SEC14L1: variants seen among roughly 807,000 people sequenced by gnomAD.
The protein encoded by SEC14L1 is SEC14-like protein 1.
SEC14L1 carries 48 observed loss-of-function variants against 85.3 expected under a neutral mutation model. The ratio of observed to expected loss-of-function variants is 0.56; its 90% confidence interval spans 0.45 to 0.72. SEC14L1 has a LOEUF of 0.72. Ranked by LOEUF, SEC14L1 falls within the 30% of genes least tolerant of loss-of-function variation. The pLI is 0.00. For missense variants in SEC14L1, 682 were observed against 921.4 expected (o/e 0.74, Z 3.36); for synonymous variants, 391 against 355.5 (o/e 1.10, Z -1.12).
At chr17:77,120,741 T>G (rs1216982962) in intron 3 of SEC14L1, among the ~76,000 whole-genome samples, 2 of 152,138 alleles carry the variant, frequency 1.3e-5, no homozygotes, top group African/African-American at 4.8e-5. Context: ...CCTCCCAAAG[T>G]GTTAGGATTA....
chr17:77,152,144 C>CT (rs1204606840), intron 3 of SEC14L1, among the ~76,000 whole-genome samples: 5 of 152,024 alleles, frequency 3.3e-5, no homozygotes, highest in Non-Finnish European at 7.4e-5. Flanking sequence ...GCTAATTTTT[C>CT]TTTTTTTAAA....
intron 3 of SEC14L1, among the ~76,000 whole-genome samples, chr17:77,170,633 C>A (rs1184091921): frequency 6.6e-6 from 1 of 152,176 alleles, no homozygotes; most frequent in African/African-American, 2.4e-5. Context: ...AGGAGAGAGG[C>A]CAGTGTCCTT....
chr17:77,131,343 C>T (rs1208206204), intron 3 of SEC14L1, among the ~76,000 whole-genome samples: 1 of 152,170 alleles, frequency 6.6e-6, no homozygotes. Flanking sequence ...GGTCTTGGCT[C>T]ACTGCAACCT....
At position 77,107,982 on chromosome 17, in the gene SEC14L1, G is replaced by C. The variant is rs372641854; in HGVS notation, c.-136+14635G>C. ...TGGTCTCAAACTCCTGGGCTCCAGC[G>C]ATCCTCTCACCTCCGCCTCCCAAAG... On this transcript the variant is annotated intron_variant, in intron 3 of 19. Transcript: ENST00000392476. Among the ~76,000 whole-genome samples the C allele has an allele frequency of 2.7e-3, 404 of 152,146 alleles. 5 individuals carry two copies. The South Asian group carries it at 0.055, about 21-fold the overall frequency.
intron 14 of SEC14L1, chr17:77,210,627 C>G (rs1490302380): frequency 6.6e-6 from 1 of 152,178 alleles, no homozygotes; most frequent in African/African-American, 2.4e-5. Context: ...TTTGAACAAG[C>G]AGAGACAGAT....
intron 3 of SEC14L1, among the ~76,000 whole-genome samples, chr17:77,158,003 T>C (rs1055099188): frequency 1.3e-5 from 2 of 152,206 alleles, no homozygotes; most frequent in African/African-American, 4.8e-5. Context: ...GTCCACGTTA[T>C]ATTAACAAGC....
intron 3 of SEC14L1, among the ~76,000 whole-genome samples, chr17:77,188,891 C>CA (rs1975393067): frequency 6.6e-6 from 1 of 152,108 alleles, no homozygotes; most frequent in Non-Finnish European, 1.5e-5. Flanking sequence ...CTCTAATGAA[C>CA]ATCTCTCGTG....
chr17:77,106,793 C>T (rs893914663), intron 3 of SEC14L1, among the ~76,000 whole-genome samples: 9 of 150,628 alleles, frequency 6.0e-5, no homozygotes, highest in African/African-American at 2.2e-4. Context: ...GCCCTGGTGG[C>T]GCCACTGCAC....
At position 77,206,463 on chromosome 17, in the gene SEC14L1, T is replaced by C. The variant is rs1341453577; in HGVS notation, c.1341+63T>C. ...TTGGAAAGCAGATAACATGCATTCA[T>C]ATACACGTGTCTGTGACCTAAAGTC... On this transcript the variant is annotated intron_variant, in intron 12 of 16. Coordinates refer to ENST00000436233, the MANE Select transcript of SEC14L1 (RefSeq NM_001143998.2). This position sits in a 1 kb window ranked among gnomAD's most constrained non-coding sequence, Gnocchi z 4.3. The C allele has an allele frequency of 6.5e-7, 1 of 1,528,478 alleles. No homozygotes were observed. 94.7% of individuals were successfully genotyped at this position (1,528,478 alleles called of 1,614,324 possible).
chr17:77,200,932 G>T (rs1363710520), intron 9 of SEC14L1, among the ~76,000 whole-genome samples: 1 of 152,244 alleles, frequency 6.6e-6, no homozygotes, highest in Admixed American at 6.5e-5. Context: ...TTGGGCAAAT[G>T]ACTTCACTTG....
At chr17:77,114,753 T>G (rs1972129305) in intron 3 of SEC14L1, among the ~76,000 whole-genome samples, 1 of 148,968 alleles carries the variant, frequency 6.7e-6, no homozygotes, top group South Asian at 2.1e-4. Flanking sequence ...GAGAATTGCT[T>G]GAACCCAGGA....
chr17:77,160,417 T>G (rs967371343), intron 3 of SEC14L1, among the ~76,000 whole-genome samples: 1 of 152,210 alleles, frequency 6.6e-6, no homozygotes, highest in Admixed American at 6.5e-5. Flanking sequence ...GACCAAAAAT[T>G]TTTCAGATTA....
At chr17:77,113,391 G>A (rs1401312199) in intron 3 of SEC14L1, among the ~76,000 whole-genome samples, 1 of 152,032 alleles carries the variant, frequency 6.6e-6, no homozygotes, top group African/African-American at 2.4e-5. Context: ...TTCCCTTCTT[G>A]GGCACTTTTC....
In SEC14L1 at chr17:77,193,409, CTTT is replaced by C; in HGVS notation, c.346-11_346-9del. 1 of 1,590,886 alleles carries C rather than the reference CTTT, an allele frequency of 6.3e-7. No homozygotes were observed. Among genetic ancestry groups the C allele is most frequent in the Non-Finnish European group, 8.6e-7 (1 of 1,164,154 alleles). ...AATTCAGTCAGTGAGAGTGCTTTCT[CTTT>C]ATCTGCAGGTTCACCCTGAAAATGA... is the stretch of plus-strand genomic sequence containing the variant. On this transcript the variant is annotated splice_polypyrimidine_tract_variant and intron_variant, in intron 5 of 16. Transcript: ENST00000436233.
intron 9 of SEC14L1, among the ~76,000 whole-genome samples, chr17:77,202,325 A>T (rs1402436852): frequency 6.6e-6 from 1 of 150,556 alleles, no homozygotes; most frequent in South Asian, 2.1e-4. Context: ...GTCTCTACTT[A>T]AAAAAAAAGG....
At chr17:77,173,440 A>G (rs1974610995) in intron 3 of SEC14L1, among the ~76,000 whole-genome samples, 1 of 150,726 alleles carries the variant, frequency 6.6e-6, no homozygotes, top group African/African-American at 2.5e-5. Flanking sequence ...GATGGTCTAA[A>G]GGATCCCATG....
At position 77,118,240 on chromosome 17, in the gene SEC14L1, C is replaced by T. The variant is rs117520464; in HGVS notation, c.-135-24406C>T. ...TTATCCTGAAGCCTTCTTACCTAGG[C>T]GGTCTTTCAAGGGTGCCCATGGCCA... On this transcript the variant is annotated intron_variant, in intron 3 of 19. Transcript: ENST00000392476. Among the ~76,000 whole-genome samples the T allele has an allele frequency of 3.8e-3, 582 of 152,330 alleles. 2 individuals are homozygous for T. The highest frequency in any genetic ancestry group is 6.5e-3 in the Non-Finnish European group (443 of 68,026).
chr17:77,190,744 G>A (rs1037912763), intron 3 of SEC14L1, 59 bp from the exon 4 acceptor site: 63 of 1,578,152 alleles, frequency 4.0e-5, no homozygotes, highest in South Asian at 3.1e-4. Flanking sequence ...CACAGTCAGC[G>A]GCAGGACATC....
chr17:77,136,865 A>G (rs1379518555), upstream of SEC14L1, among the ~76,000 whole-genome samples: 4 of 152,060 alleles, frequency 2.6e-5, no homozygotes, highest in Non-Finnish European at 4.4e-5. Flanking sequence ...AAAGAAAAAA[A>G]GTTTAATTGG....
Sources: gnomAD v4.1 joint callset for allele counts (sites outside exome capture counted in the v4.1 genomes callset) on GRCh38, gnomAD v4.1.1 for gene constraint, Gnocchi (gnomAD v3.1) non-coding constraint, MANE v1.5 for transcripts, NCBI Gene and HGNC (gene_info 2026-07-23, HGNC 2026-07-21) for gene names.